The following ROBO2 variants were observed in gnomAD, a reference collection of about 807,000 sequenced individuals.
ROBO2 encodes the protein roundabout homolog 2.
In ROBO2, 53 loss-of-function variants were observed where a neutral mutation model predicts 160.8. The observed-to-expected ratio is 0.33, with a 90% confidence interval of 0.26 to 0.41. The LOEUF (loss-of-function observed/expected upper bound fraction) is 0.41, where lower values mean the gene tolerates loss of function less well. Among genes scored for constraint, ROBO2 ranks in the 10% least tolerant of loss-of-function variants. The pLI is 1.00. For synonymous variants in ROBO2, 664 were observed against 611.7 expected, an observed-to-expected ratio of 1.09 and a Z score of -1.26; for missense variants, 1,577 against 1,722.4, an observed-to-expected ratio of 0.92 and a Z score of 1.49.
intron 6 of ROBO2, among the ~76,000 whole-genome samples, chr3:77,526,020 G>A (rs939848137): frequency 6.6e-6 from 1 of 151,224 alleles, no homozygotes; most frequent in Admixed American, 6.6e-5. Context: ...AGTCAATCTT[G>A]TATTCTGCCC....
At chr3:77,215,331 G>C (rs2151139027) in intron 2 of ROBO2, among the ~76,000 whole-genome samples, 1 of 151,976 alleles carries the variant, frequency 6.6e-6, no homozygotes, top group East Asian at 1.9e-4. Context: ...TCATTCATTT[G>C]GTCTTCCATC....
chr3:76,454,575 C>T (rs2077652298), intron 2 of ROBO2, among the ~76,000 whole-genome samples: 1 of 152,070 alleles, frequency 6.6e-6, no homozygotes, highest in Non-Finnish European at 1.5e-5. Flanking sequence ...TGAATATGAA[C>T]AACTATTTAA....
chr3:77,056,029 A>G lies in ROBO2; in HGVS notation c.61+15183A>G, dbSNP rs565340703. Among the ~76,000 whole-genome samples, 23 of 152,372 alleles carry G rather than the reference A, an allele frequency of 1.5e-4. 1 individual carries two copies. Among genetic ancestry groups the G allele is most frequent in the Middle Eastern group, 3.4e-3 (1 of 294 alleles). On this transcript the variant is annotated intron_variant, in intron 1 of 25. Coordinates refer to ENST00000461745, the Ensembl canonical transcript of ROBO2. ...TTTAGGACATAGTGTGTAGGTATTT[A>G]TCTCACACAAAGAGAAAAATTTCCT...
chr3:75,958,362 C>T (rs530894572), intron 2 of ROBO2, among the ~76,000 whole-genome samples: 2 of 151,702 alleles, frequency 1.3e-5, no homozygotes, highest in African/African-American at 4.8e-5. Flanking sequence ...ATAGAATATA[C>T]CCTGTTAAAT....
At chr3:76,261,295 C>T (rs537593618) in intron 2 of ROBO2, among the ~76,000 whole-genome samples, 29 of 151,474 alleles carry the variant, frequency 1.9e-4, no homozygotes, top group African/African-American at 7.0e-4. Flanking sequence ...GGGTACCCTT[C>T]CTTCTTTACC....
chr3:77,165,264 C>G (rs1427542432), intron 2 of ROBO2, among the ~76,000 whole-genome samples: 8 of 148,560 alleles, frequency 5.4e-5, no homozygotes, highest in African/African-American at 1.7e-4. Context: ...GACCTTACCC[C>G]CAACCCTGTG....
intron 2 of ROBO2, among the ~76,000 whole-genome samples, chr3:76,743,119 C>T (rs1171359256): frequency 2.6e-5 from 4 of 152,044 alleles, no homozygotes; most frequent in African/African-American, 9.7e-5. Context: ...AATATATTTT[C>T]CCTCAACCTT....
intron 2 of ROBO2, among the ~76,000 whole-genome samples, chr3:77,360,711 T>C (rs2069839701): frequency 6.6e-6 from 1 of 152,106 alleles, no homozygotes; most frequent in African/African-American, 2.4e-5. Context: ...AAGTAGTTTT[T>C]ATGCATACAA....
intron 2 of ROBO2, among the ~76,000 whole-genome samples, chr3:76,641,627 CA>C (rs988898563): frequency 1.3e-5 from 2 of 151,566 alleles, no homozygotes; most frequent in Non-Finnish European, 1.5e-5. Context: ...AAACAAAAAA[CA>C]AAAAAAACCC....
At chr3:77,200,030 A>G (rs1027647562) in intron 2 of ROBO2, among the ~76,000 whole-genome samples, 1 of 151,482 alleles carries the variant, frequency 6.6e-6, no homozygotes, top group African/African-American at 2.4e-5. Flanking sequence ...AGTGAATAAA[A>G]GAGCAGGATT....
chr3:76,957,035 G>A (rs879664368), intron 2 of ROBO2, among the ~76,000 whole-genome samples: 6 of 151,942 alleles, frequency 3.9e-5, no homozygotes, highest in Non-Finnish European at 8.8e-5. Flanking sequence ...CTTACGTTTA[G>A]GCACATCTTT....
At chr3:76,747,585 C>G (rs2093914569) in intron 2 of ROBO2, among the ~76,000 whole-genome samples, 1 of 151,396 alleles carries the variant, frequency 6.6e-6, no homozygotes, top group African/African-American at 2.4e-5. Context: ...GCAGTTGAGT[C>G]TATTCAAAAA....
chr3:76,004,708 G>T (rs184877232), intron 2 of ROBO2, among the ~76,000 whole-genome samples: 2 of 152,078 alleles, frequency 1.3e-5, no homozygotes, highest in South Asian at 4.1e-4. Flanking sequence ...TCCAAATACC[G>T]TTATATTGGG....
At chr3:75,906,887 C>T (rs1338606356) in exon 1 of ROBO2, 2 of 152,302 alleles carry the variant, frequency 1.3e-5, no homozygotes, top group Non-Finnish European at 2.9e-5. Flanking sequence ...GTTATTCACA[C>T]GGACGCTGCG....
At chr3:77,115,369 A>G (rs958355607) in intron 2 of ROBO2, among the ~76,000 whole-genome samples, 3 of 152,184 alleles carry the variant, frequency 2.0e-5, no homozygotes, top group African/African-American at 7.2e-5. Flanking sequence ...AAACTTGTTT[A>G]ATAAGTTCTT....
intron 2 of ROBO2, among the ~76,000 whole-genome samples, chr3:76,069,488 C>T (rs948768753): frequency 6.6e-6 from 1 of 150,512 alleles, no homozygotes; most frequent in Non-Finnish European, 1.5e-5. Context: ...CTATTTGCAT[C>T]TAGAGCTGAT....
intron 23 of ROBO2, among the ~76,000 whole-genome samples, chr3:77,625,091 T>A (rs1186960752): frequency 1.3e-5 from 2 of 152,192 alleles, no homozygotes; most frequent in Non-Finnish European, 2.9e-5. Context: ...ATTAGTTGTT[T>A]TTATAACAAC....
intron 2 of ROBO2, among the ~76,000 whole-genome samples, chr3:75,984,858 A>G (rs774752590): frequency 1.3e-5 from 2 of 151,374 alleles, no homozygotes; most frequent in Non-Finnish European, 3.0e-5. Context: ...ATTTGGTTTC[A>G]GTGTAATAGT....
At chr3:76,037,702 ACAGT>A (rs1042133575) in intron 2 of ROBO2, among the ~76,000 whole-genome samples, 7 of 152,024 alleles carry the variant, frequency 4.6e-5, no homozygotes, top group Admixed American at 2.6e-4. Context: ...CTTGAAACTC[ACAGT>A]CAAACAGGAG....
Sources: gnomAD v4.1 joint callset for allele counts (sites outside exome capture counted in the v4.1 genomes callset) on GRCh38, gnomAD v4.1.1 for gene constraint, MANE v1.5 for transcripts, NCBI Gene and HGNC (gene_info 2026-07-23, HGNC 2026-07-21) for gene names.